The following CCDC146 variants were observed in gnomAD, a reference collection of about 807,000 sequenced individuals.
CCDC146 encodes the protein coiled-coil domain-containing protein 146.
Under a neutral mutation model 119.3 loss-of-function variants are expected in CCDC146, and 92 were observed. The ratio of observed to expected loss-of-function variants is 0.77; its 90% CI spans 0.65 to 0.92. The LOEUF (loss-of-function observed/expected upper bound fraction) is 0.92, where lower values mean the gene tolerates loss of function less well. Among genes scored for constraint, CCDC146 ranks in the 40% least tolerant of loss-of-function variants. CCDC146 has a pLI of 0.00. For synonymous variants in CCDC146, 372 were observed against 371.8 expected, an observed-to-expected ratio of 1.00 and a Z score of -0.01; for missense variants, 1,000 against 1,103.0, an observed-to-expected ratio of 0.91 and a Z score of 1.32.
At chr7:77,253,494 T>G (rs1470381548) in intron 4 of CCDC146, among the ~76,000 whole-genome samples, 3 of 152,254 alleles carry the variant, frequency 2.0e-5, no homozygotes, top group African/African-American at 7.2e-5. Flanking sequence ...TATTTCCATA[T>G]GCATGCCCGT....
chr7:77,250,564 GT>G (rs1315214199), intron 4 of CCDC146, among the ~76,000 whole-genome samples: 1 of 152,162 alleles, frequency 6.6e-6, no homozygotes, highest in Non-Finnish European at 1.5e-5. Context: ...TCCTCCATAG[GT>G]AAGTGTGTTT....
At chr7:77,160,725 T>A (rs1791248230) in intron 1 of CCDC146, among the ~76,000 whole-genome samples, 1 of 152,168 alleles carries the variant, frequency 6.6e-6, no homozygotes, top group Admixed American at 6.6e-5. Flanking sequence ...ACAGGGACAA[T>A]TTGACTTCCT....
chr7:77,203,794 T>C (rs1036063891), intron 2 of CCDC146, among the ~76,000 whole-genome samples: 8 of 152,152 alleles, frequency 5.3e-5, no homozygotes, highest in African/African-American at 1.7e-4. Flanking sequence ...TACACTCACT[T>C]ACAGACTTGT....
chr7:77,211,191 C>A (rs1335426871), intron 2 of CCDC146, among the ~76,000 whole-genome samples: 2 of 152,234 alleles, frequency 1.3e-5, no homozygotes, highest in Non-Finnish European at 2.9e-5. Flanking sequence ...CCCCCTCTAA[C>A]ATAGCGACTA....
chr7:77,130,822 C>T (rs1019982761), intron 1 of CCDC146, among the ~76,000 whole-genome samples: 6 of 150,796 alleles, frequency 4.0e-5, no homozygotes, highest in African/African-American at 1.5e-4. Flanking sequence ...TGGTCTCGAT[C>T]TCCTGACCTC....
intron 7 of CCDC146, chr7:77,259,299 ATT>A (rs1793243317): frequency 2.5e-6 from 1 of 405,122 alleles, no homozygotes; most frequent in African/African-American, 2.1e-5. Flanking sequence ...TCTGTTGCCA[ATT>A]TATAAATCAT....
Position 77,293,132 on chromosome 7 carries a change from G to A in CCDC146, c.2596G>A (p.Glu866Lys). ...EKGLPLNKEIEKEWLKVLRDE... is the reference protein window; with the variant it reads ...EKGLPLNKEIKKEWLKVLRDE... ...AGGTCTGCCACTCAATAAGGAAATT[G>A]AGAAAGAATGGTTGAAAGTCCTTCG... The change falls in exon 18 of 19, where the codon GAG becomes AAG. Residue 866 changes from glutamate (E) to lysine (K), a missense_variant. This residue lies in a region of CCDC146 where 985 missense variants were observed against 1,045.3 expected (regional missense o/e 0.94). Transcript: ENST00000285871. 6.2e-7 allele frequency: 1 copy of A among 1,614,166 alleles called. No individual in the cohort carries two copies. The highest frequency in any genetic ancestry group is 8.5e-7 in the Non-Finnish European group (1 of 1,180,026).
intron 4 of CCDC146, chr7:77,246,292 T>G (rs1029192499): frequency 3.3e-5 from 5 of 152,250 alleles, no homozygotes; most frequent in African/African-American, 1.2e-4. Context: ...TAAACCTACC[T>G]TCTTGCAACT....
At chr7:77,202,731 C>T (rs749763115) in intron 2 of CCDC146, among the ~76,000 whole-genome samples, 4 of 152,124 alleles carry the variant, frequency 2.6e-5, no homozygotes, top group Non-Finnish European at 5.9e-5. Flanking sequence ...AGTGTTGTAC[C>T]GCCTCTACGG....
intron 4 of CCDC146, among the ~76,000 whole-genome samples, chr7:77,242,941 CA>C (rs546169421): frequency 3.7e-4 from 56 of 152,174 alleles, no homozygotes; most frequent in Middle Eastern, 3.4e-3. Flanking sequence ...AGATCCTATT[CA>C]GGGGGGAAAA....
intron 3 of CCDC146, 84 bp from the exon 4 acceptor site, chr7:77,241,607 C>G: frequency 8.9e-7 from 1 of 1,122,778 alleles, no homozygotes; most frequent in Non-Finnish European, 1.3e-6. Flanking sequence ...GAGTGGGGAG[C>G]AGCTATCCTC....
chr7:77,180,142 CCATATATATGCACCCATATGTAT>C (rs1562824356), intron 2 of CCDC146, among the ~76,000 whole-genome samples: 1 of 149,660 alleles, frequency 6.7e-6, no homozygotes, highest in African/African-American at 2.5e-5. Context: ...TATGTATGTA[CCATATATATGCACCCATATGTAT>C]GTACCATATA....
At chr7:77,199,709 C>T (rs150654104) in intron 2 of CCDC146, 1 of 1,614,122 alleles carries the variant, frequency 6.2e-7, no homozygotes, top group Non-Finnish European at 8.5e-7. Flanking sequence ...TCTTTAATTT[C>T]CTCTGTTTCA....
intron 2 of CCDC146, among the ~76,000 whole-genome samples, chr7:77,184,299 G>A (rs1489920283): frequency 2.6e-5 from 4 of 152,138 alleles, no homozygotes; most frequent in African/African-American, 9.7e-5. Flanking sequence ...CAGGAGCTTA[G>A]GGTCTCTGGA....
At chr7:77,280,971 T>C (rs184118926) in intron 14 of CCDC146, among the ~76,000 whole-genome samples, 2 of 152,102 alleles carry the variant, frequency 1.3e-5, no homozygotes, top group African/African-American at 2.4e-5. Context: ...GGTGTGGTGG[T>C]GGGGGCCTGT....
intron 15 of CCDC146, 81 bp from the exon 16 acceptor site, chr7:77,286,717 T>G: frequency 6.9e-7 from 1 of 1,452,614 alleles, no homozygotes; most frequent in South Asian, 1.3e-5. Context: ...ACTAAAAAAC[T>G]CTCAAGACCC....
chr7:77,179,031 C>T (rs1302475804), intron 2 of CCDC146, among the ~76,000 whole-genome samples: 1 of 151,976 alleles, frequency 6.6e-6, no homozygotes, highest in Non-Finnish European at 1.5e-5. Flanking sequence ...GGAATTTGTC[C>T]ATCTAGTAAC....
chr7:77,226,505 TCCA>T (rs1792517862), intron 2 of CCDC146, among the ~76,000 whole-genome samples: 1 of 152,240 alleles, frequency 6.6e-6, no homozygotes. Flanking sequence ...TCCTAGAATT[TCCA>T]TTTTTGAAAT....
At chr7:77,123,043 G>A (rs1790645057) in intron 1 of CCDC146, among the ~76,000 whole-genome samples, 1 of 143,018 alleles carries the variant, frequency 7.0e-6, no homozygotes, top group South Asian at 2.3e-4. Flanking sequence ...TGCCTCAAAG[G>A]GTTTTTGTGA....
Sources: allele counts gnomAD v4.1 joint callset (sites outside exome capture counted in the v4.1 genomes callset), GRCh38; gene constraint gnomAD v4.1.1; regional missense constraint gnomAD v4.1.1; transcripts MANE v1.5; gene names NCBI Gene and HGNC (gene_info 2026-07-23, HGNC 2026-07-21).